Variants in PHIP observed in about 807,000 individuals in gnomAD.
PHIP encodes PHIP subunit of CUL4-Ring ligase complex.
Under a neutral mutation model 236.8 loss-of-function variants are expected in PHIP, and 54 were observed. The observed-to-expected ratio is 0.23, with a 90% confidence interval of 0.18 to 0.29. The LOEUF (loss-of-function observed/expected upper bound fraction) is 0.29, where lower values mean the gene tolerates loss of function less well. PHIP is among the 10% of genes least tolerant of loss of function. The probability of loss-of-function intolerance (pLI) is 1.00; values close to 1 mark genes in which losing one functional copy is unlikely to be tolerated. For synonymous variants in PHIP, 756 were observed against 718.9 expected (o/e 1.05, Z -0.83); for missense variants, 1,370 against 2,190.8 (o/e 0.63, Z 7.48).
At chr6:79,049,812 A>G (rs1772694231) in intron 6 of PHIP, among the ~76,000 whole-genome samples, 1 of 152,194 alleles carries the variant, frequency 6.6e-6, no homozygotes, top group Non-Finnish European at 1.5e-5. Context: ...TTAGTTCATT[A>G]CAAGTCCAAA....
In PHIP at chr6:79,003,896, TA is replaced by T. The variant is rs751640006; in HGVS notation, c.1525-39del. 1.5e-4 allele frequency: 217 copies of T among 1,438,652 alleles called. 1 individual carries two copies. Among genetic ancestry groups the T allele is most frequent in the Non-Finnish European group, 1.9e-4 (202 of 1,056,190 alleles). 89.1% of individuals were successfully genotyped at this position (1,438,652 alleles called of 1,614,324 possible). ...TAACCAACAGTAAGAAAACTACCAT[TA>T]AAATGAAAAGAATTGGTCACTATTA... On this transcript the variant is annotated intron_variant, in intron 15 of 39. Transcript: ENST00000275034.
intron 6 of PHIP, among the ~76,000 whole-genome samples, chr6:79,050,188 A>G (rs905290863): frequency 6.6e-6 from 1 of 152,156 alleles, no homozygotes; most frequent in Non-Finnish European, 1.5e-5. Context: ...CATACAATAC[A>G]TAACAAGGAG....
At chr6:78,944,743 A>G (rs1422244062) in intron 39 of PHIP, among the ~76,000 whole-genome samples, 2 of 152,226 alleles carry the variant, frequency 1.3e-5, no homozygotes, top group Non-Finnish European at 2.9e-5. Context: ...GAAAGTCATG[A>G]TGCAAAATGC....
At chr6:79,043,540 A>G (rs1035027516) in intron 6 of PHIP, among the ~76,000 whole-genome samples, 2 of 152,244 alleles carry the variant, frequency 1.3e-5, no homozygotes, top group Admixed American at 1.3e-4. Flanking sequence ...TAAACTGGGA[A>G]TCTTGCCAAA....
At chr6:78,988,436 A>T in intron 20 of PHIP, 87 bp from the exon 21 acceptor site, 4 of 1,034,076 alleles carry the variant, frequency 3.9e-6, no homozygotes, top group Non-Finnish European at 5.4e-6. Flanking sequence ...AATTAAAAAA[A>T]TTCAAGCTGG....
Position 78,937,671 on chromosome 6 carries a change from G to C in PHIP, c.*3022C>G, listed in dbSNP as rs1351389485. 2.9e-5 allele frequency: 4 copies of C among 138,626 alleles called. No individual in the cohort carries two copies. In the East Asian group the frequency reaches 1.1e-3, roughly 39 times the overall value. The allele number at this position is 138,626 out of a possible 1,614,324, so 8.6% of individuals were successfully genotyped here. On this transcript the variant is annotated 3_prime_UTR_variant, in exon 40 of 40. Transcript: ENST00000275034. ...GTGAAGTTGTGCAATAAAAACAATT[G>C]AAATAAGGCCAATCTTTAGTTTATA...
intron 4 of PHIP, among the ~76,000 whole-genome samples, chr6:79,061,255 TG>T (rs1455314055): frequency 6.6e-6 from 1 of 152,096 alleles, no homozygotes; most frequent in Non-Finnish European, 1.5e-5. Context: ...AAAATTATAT[TG>T]GAAAAAAATA....
At chr6:78,976,024 C>T (rs924814097) in intron 24 of PHIP, among the ~76,000 whole-genome samples, 1 of 151,968 alleles carries the variant, frequency 6.6e-6, no homozygotes, top group Admixed American at 6.6e-5. Flanking sequence ...GAAAAAACTA[C>T]TTTAAAGTTC....
At chr6:78,967,169 T>C (rs957894291) in intron 27 of PHIP, among the ~76,000 whole-genome samples, 5 of 152,124 alleles carry the variant, frequency 3.3e-5, no homozygotes, top group Admixed American at 6.6e-5. Context: ...AATTAAAAAT[T>C]AGAAAAACAA....
In PHIP at chr6:79,016,560, C is replaced by T. The variant is rs745750613; in HGVS notation, c.1219G>A (p.Ala407Thr). The T allele has an allele frequency of 6.2e-7, 1 of 1,607,000 alleles. No homozygotes were observed. The highest frequency in any genetic ancestry group is 1.1e-5 in the South Asian group (1 of 90,742). Residue 407 changes from alanine to threonine, a missense_variant, in exon 13 of 40, where the codon GCT becomes ACT. By Grantham distance (58) the Ala-to-Thr change is moderately conservative (BLOSUM62 0). Around this residue, in one of 14 missense-constraint regions of PHIP, gnomAD observed 188 missense variants for 354.3 expected, o/e 0.53. Transcript: ENST00000275034. The stretch of plus-strand genomic sequence containing the variant: ...ACCTCTTACCCTGCTGGACGAGTAG[C>T]CATATCCAACAAAATGCTCTTCCAC... ...REWKSILLDM[A>T]TRPAGQNLQG...
intron 29 of PHIP, among the ~76,000 whole-genome samples, 161 bp from the exon 30 acceptor site, chr6:78,963,413 C>T (rs985206828): frequency 1.3e-5 from 2 of 152,078 alleles, no homozygotes; most frequent in East Asian, 1.9e-4. Context: ...TTAAGGGTCA[C>T]TAAAATTTAA....
At chr6:78,968,241 T>A (rs1016891390) in intron 27 of PHIP, among the ~76,000 whole-genome samples, 1 of 152,116 alleles carries the variant, frequency 6.6e-6, no homozygotes, top group South Asian at 2.1e-4. Flanking sequence ...AATGTTTTCA[T>A]CTATTTTACC....
rs568239319 is a variant in PHIP, at chr6:78,946,369, AAT to A, written c.4371-111_4371-110del. On this transcript the variant is annotated intron_variant, in intron 37 of 39. Transcript: ENST00000275034. ...TTTGTACTATTATGAAATATGTTAAAATATGAGATTTATAGTGGATTTCATAT... is the reference window on the plus strand; with the variant it reads ...TTTGTACTATTATGAAATATGTTAAAATGAGATTTATAGTGGATTTCATAT... The A allele has an allele frequency of 5.0e-4, 706 of 1,404,718 alleles. 3 individuals carry two copies. In the African/African-American group the frequency reaches 9.1e-3, roughly 18 times the overall value. The allele number at this position is 1,404,718 out of a possible 1,614,324, so 87.0% of individuals were successfully genotyped here.
At chr6:79,004,422 T>A in intron 15 of PHIP, 5 of 984,918 alleles carry the variant, frequency 5.1e-6, no homozygotes, top group Non-Finnish European at 4.8e-6. Context: ...AACGAATGGG[T>A]TTCCTCCCTG....
intron 9 of PHIP, among the ~76,000 whole-genome samples, chr6:79,023,361 G>C (rs532981703): frequency 6.6e-6 from 1 of 152,100 alleles, no homozygotes; most frequent in Non-Finnish European, 1.5e-5. Flanking sequence ...ACCTCCCAAA[G>C]TCCTGGGATT....
chr6:79,017,225 A>C, intron 12 of PHIP, 121 bp downstream of exon 12: 2 of 592,136 alleles, frequency 3.4e-6, no homozygotes, highest in South Asian at 5.3e-5. Flanking sequence ...TTTAAGTATA[A>C]CTGGTCAAGA....
chr6:79,073,348 C>T (rs1219192489), intron 4 of PHIP, among the ~76,000 whole-genome samples: 3 of 152,048 alleles, frequency 2.0e-5, no homozygotes, highest in Admixed American at 6.5e-5. Context: ...ATCATTATAA[C>T]GACCATATGA....
chr6:78,948,336 A>T (rs1773940581), intron 35 of PHIP, among the ~76,000 whole-genome samples: 1 of 152,182 alleles, frequency 6.6e-6, no homozygotes, highest in Non-Finnish European at 1.5e-5. Context: ...GTCACCTGAG[A>T]TGTCTACCTA....
At chr6:78,989,704 CTGAAT>C (rs1413932943) in intron 20 of PHIP, among the ~76,000 whole-genome samples, 1 of 152,030 alleles carries the variant, frequency 6.6e-6, no homozygotes, top group Non-Finnish European at 1.5e-5. Context: ...CAAAGTACTA[CTGAAT>C]TAAGAGATAA....
Sources: allele counts gnomAD v4.1 joint callset (sites outside exome capture counted in the v4.1 genomes callset), GRCh38; gene constraint gnomAD v4.1.1; regional missense constraint gnomAD v4.1.1; transcripts MANE v1.5; gene names NCBI Gene and HGNC (gene_info 2026-07-23, HGNC 2026-07-21).